ATRNL1: variants seen among roughly 807,000 people sequenced by gnomAD.
The protein encoded by ATRNL1 is attractin like 1, also known as attractin-like protein 1.
Under a neutral mutation model 182.7 loss-of-function variants are expected in ATRNL1, and 95 were observed. That is an observed-to-expected ratio of 0.52 (90% CI 0.44 to 0.62). The LOEUF (loss-of-function observed/expected upper bound fraction) is 0.62. ATRNL1 is among the 20% of genes least tolerant of loss of function. The probability of loss-of-function intolerance (pLI) is 0.00; values close to 1 mark genes in which losing one functional copy is unlikely to be tolerated. For synonymous variants in ATRNL1, 576 were observed against 568.3 expected, an observed-to-expected ratio of 1.01 and a Z score of -0.19; for missense variants, 1,471 against 1,679.5, an observed-to-expected ratio of 0.88 and a Z score of 2.17.
At chr10:115,139,571 A>G (rs1276020513) in intron 5 of ATRNL1, among the ~76,000 whole-genome samples, 2 of 152,308 alleles carry the variant, frequency 1.3e-5, no homozygotes, top group African/African-American at 4.8e-5. Context: ...TATCACGAGA[A>G]GAGCACAGGA....
At chr10:115,109,111 A>G (rs868941688) in intron 1 of ATRNL1, among the ~76,000 whole-genome samples, 17 of 152,188 alleles carry the variant, frequency 1.1e-4, no homozygotes, top group Admixed American at 2.6e-4. Context: ...AGCCCTCATC[A>G]GAATCATCCT....
chr10:115,745,814 A>G lies in ATRNL1; in HGVS notation c.3903+18459A>G, dbSNP rs138410377. Among the ~76,000 whole-genome samples, 415 of 152,244 alleles carry G rather than the reference A, an allele frequency of 2.7e-3. 2 individuals are homozygous for G. Among genetic ancestry groups the G allele is most frequent in the African/African-American group, 9.4e-3 (390 of 41,556 alleles). ...TCTGGCTACCCATTTATAGGTATGC[A>G]TATCTTCAAACGTTAGTTTTCCCAT... On this transcript the variant is annotated intron_variant, in intron 27 of 28. Transcript: ENST00000355044.
intron 26 of ATRNL1, among the ~76,000 whole-genome samples, chr10:115,721,089 C>T (rs1334272092): frequency 6.6e-6 from 1 of 152,070 alleles, no homozygotes; most frequent in Non-Finnish European, 1.5e-5. Context: ...CATCTATTTG[C>T]CCTTTAGAGG....
intron 24 of ATRNL1, among the ~76,000 whole-genome samples, chr10:115,517,373 T>C (rs1554984121): frequency 1.3e-5 from 2 of 151,914 alleles, no homozygotes; most frequent in Non-Finnish European, 2.9e-5. Flanking sequence ...TATTATATCT[T>C]CTTACAGTAT....
chr10:115,683,768 A>G (rs1946130363), intron 26 of ATRNL1, among the ~76,000 whole-genome samples: 1 of 151,846 alleles, frequency 6.6e-6, no homozygotes, highest in East Asian at 1.9e-4. Flanking sequence ...AACAATGTAA[A>G]CAAATTCCTA....
chr10:115,137,270 G>A (rs551447800), intron 5 of ATRNL1, among the ~76,000 whole-genome samples: 1 of 152,192 alleles, frequency 6.6e-6, no homozygotes, highest in African/African-American at 2.4e-5. Context: ...AGAAAAGTCA[G>A]TTATTGGAAA....
chr10:115,408,623 T>A (rs629968), intron 20 of ATRNL1, among the ~76,000 whole-genome samples: 1 of 152,000 alleles, frequency 6.6e-6, no homozygotes, highest in Non-Finnish European at 1.5e-5. Flanking sequence ...TTTTGAAGTC[T>A]TATTCATAAA....
At position 115,679,003 on chromosome 10, in the gene ATRNL1, C is replaced by G. The variant is rs569941918; in HGVS notation, c.3796-48245C>G. ...ATTCAAAAATGGGAAAAATAGCAGG[C>G]ACCATTAGGCATAGTCTGCAAGCAT... On this transcript the variant is annotated intron_variant, in intron 26 of 28. Transcript: ENST00000355044. Among the ~76,000 whole-genome samples, 115 of 152,146 alleles carry G rather than the reference C, an allele frequency of 7.6e-4. 1 individual carries two copies. The highest frequency in any genetic ancestry group is 2.7e-3 in the African/African-American group (114 of 41,536).
intron 26 of ATRNL1, among the ~76,000 whole-genome samples, chr10:115,626,033 A>G (rs192776027): frequency 7.7e-4 from 118 of 152,306 alleles, no homozygotes; most frequent in African/African-American, 2.7e-3. Context: ...AATTTGTACT[A>G]CATGGTATAT....
chr10:115,253,112 G>A (rs1235780540), intron 10 of ATRNL1, among the ~76,000 whole-genome samples: 4 of 152,196 alleles, frequency 2.6e-5, no homozygotes, highest in Non-Finnish European at 5.9e-5. Context: ...CTCTGAGGTA[G>A]AGTTTAGTAT....
chr10:115,200,339 T>C (rs1848516622), intron 8 of ATRNL1, among the ~76,000 whole-genome samples: 1 of 145,474 alleles, frequency 6.9e-6, no homozygotes, highest in Admixed American at 6.8e-5. Flanking sequence ...AACTCGTCAT[T>C]TAGCATTAGG....
chr10:115,235,867 A>G (rs1185105250), intron 9 of ATRNL1, among the ~76,000 whole-genome samples: 1 of 152,110 alleles, frequency 6.6e-6, no homozygotes, highest in Non-Finnish European at 1.5e-5. Flanking sequence ...TAGTTTTAAT[A>G]CCCATTGATG....
intron 9 of ATRNL1, 36 bp downstream of exon 9, chr10:115,215,916 A>G: frequency 2.8e-6 from 4 of 1,405,900 alleles, no homozygotes; most frequent in Non-Finnish European, 3.8e-6. Flanking sequence ...CTATGTTGCC[A>G]TTATTATTGT....
At chr10:115,670,576 CTGTCTTAACTA>C (rs1374805488) in intron 26 of ATRNL1, among the ~76,000 whole-genome samples, 2 of 152,096 alleles carry the variant, frequency 1.3e-5, no homozygotes, top group Non-Finnish European at 2.9e-5. Context: ...AAGTAAAACA[CTGTCTTAACTA>C]CTGAGCAAGT....
chr10:115,158,098 G>A (rs557919617), intron 5 of ATRNL1, among the ~76,000 whole-genome samples: 15 of 151,952 alleles, frequency 9.9e-5, no homozygotes, highest in African/African-American at 2.2e-4. Flanking sequence ...CTGAATGTCC[G>A]TTTCCCAGAT....
At chr10:115,304,863 A>G (rs1406516224) in intron 17 of ATRNL1, among the ~76,000 whole-genome samples, 1 of 152,166 alleles carries the variant, frequency 6.6e-6, no homozygotes, top group Non-Finnish European at 1.5e-5. Context: ...TGGCTTGCAT[A>G]TGCATACTAA....
intron 27 of ATRNL1, among the ~76,000 whole-genome samples, chr10:115,846,721 T>G (rs183625478): frequency 7.7e-4 from 117 of 152,256 alleles, no homozygotes; most frequent in African/African-American, 2.7e-3. Context: ...ACGTGTGTAC[T>G]TGTGCATATG....
intron 19 of ATRNL1, among the ~76,000 whole-genome samples, chr10:115,388,215 GTGCTGGT>G (rs1216932470): frequency 3.3e-5 from 5 of 152,086 alleles, no homozygotes; most frequent in African/African-American, 1.2e-4. Context: ...TAAGAGTGGT[GTGCTGGT>G]TTCTACTAGG....
chr10:115,385,610 A>G (rs1554952403), intron 19 of ATRNL1, among the ~76,000 whole-genome samples: 1 of 152,090 alleles, frequency 6.6e-6, no homozygotes, highest in Non-Finnish European at 1.5e-5. Flanking sequence ...TACTTTTTGT[A>G]TCACGTACGT....
Sources: gnomAD v4.1 joint callset for allele counts (sites outside exome capture counted in the v4.1 genomes callset) on GRCh38, gnomAD v4.1.1 for gene constraint, MANE v1.5 for transcripts, NCBI Gene and HGNC (gene_info 2026-07-23, HGNC 2026-07-21) for gene names.